Variants in CARMIL1 observed in about 807,000 individuals in gnomAD.
CARMIL1 encodes the protein capping protein regulator and myosin 1 linker 1.
Under a neutral mutation model 177.1 loss-of-function variants are expected in CARMIL1, and 90 were observed. The ratio of observed to expected loss-of-function variants is 0.51; its 90% confidence interval spans 0.43 to 0.61. The LOEUF is 0.61. Ranked by LOEUF, CARMIL1 falls within the 20% of genes least tolerant of loss-of-function variation. The pLI is 0.00. For synonymous variants in CARMIL1, 577 were observed against 606.2 expected, an observed-to-expected ratio of 0.95 and a Z score of 0.71; for missense variants, 1,380 against 1,667.0, an observed-to-expected ratio of 0.83 and a Z score of 3.00.
At position 25,300,995 on chromosome 6, in the gene CARMIL1, T is replaced by A. The variant is rs149758335; in HGVS notation, c.138+16086T>A. The stretch of plus-strand genomic sequence containing the variant: ...CTAAGTGTGTGCTGGTCATATTGGC[T>A]TCCCTGCAAGAGCCTGCCATGTCCA... On this transcript the variant is annotated intron_variant, in intron 2 of 36. Transcript: ENST00000329474. 1.2e-3 allele frequency among the ~76,000 whole-genome samples: 184 copies of A among 152,342 alleles called. 1 individual carries two copies. The highest frequency in any genetic ancestry group is 0.01 in the Middle Eastern group (3 of 294).
intron 5 of CARMIL1, among the ~76,000 whole-genome samples, chr6:25,446,333 C>T (rs1424247896): frequency 1.3e-5 from 2 of 152,248 alleles, no homozygotes; most frequent in Non-Finnish European, 2.9e-5. Context: ...TAGCCATCTT[C>T]ATCAATGATC....
rs1384552480 is a variant in CARMIL1 at position 25,537,737 on chromosome 6, T to C, written c.2068-118T>C. The stretch of plus-strand genomic sequence containing the variant: ...CAGTTAGAAGGGTTTGAGGTTTTCA[T>C]CCTTGTGCATTCTGTGGTTTGCTGA... On this transcript the variant is annotated intron_variant, in intron 24 of 36. Transcript: ENST00000329474. 5 of 1,211,748 alleles carry C rather than the reference T, an allele frequency of 4.1e-6. No homozygotes were observed. In the South Asian group the frequency reaches 4.7e-5, roughly 11 times the overall value. The allele number at this position is 1,211,748 out of a possible 1,614,324, so 75.1% of individuals were successfully genotyped here. A position where few individuals can be genotyped will look rare whatever the true frequency, so the allele number is the denominator to read the frequency against.
At chr6:25,497,294 A>T (rs552218889) in intron 16 of CARMIL1, among the ~76,000 whole-genome samples, 11 of 152,314 alleles carry the variant, frequency 7.2e-5, no homozygotes, top group African/African-American at 2.6e-4. Context: ...GTCACCTTTA[A>T]TGTGGATGAC....
chr6:25,441,333 A>ATGTGTGTGTGTGTG (rs1211206689), intron 5 of CARMIL1, among the ~76,000 whole-genome samples: 190 of 66,936 alleles, frequency 2.8e-3, no homozygotes, highest in Admixed American at 3.8e-3. Context: ...ATATATATAT[A>ATGTGTGTGTGTGTG]TATATGTGTG....
intron 11 of CARMIL1, among the ~76,000 whole-genome samples, chr6:25,477,956 A>T (rs1801730288): frequency 6.6e-6 from 1 of 150,884 alleles, no homozygotes; most frequent in Non-Finnish European, 1.5e-5. Flanking sequence ...CCTGGGCTCA[A>T]GCCATCCTCC....
chr6:25,408,823 G>GAA (rs112760197), intron 2 of CARMIL1, among the ~76,000 whole-genome samples: 8 of 112,960 alleles, frequency 7.1e-5, no homozygotes, highest in African/African-American at 1.8e-4. Context: ...ACATAAAATA[G>GAA]AAAAAAAAAA....
chr6:25,600,605 G>A lies in CARMIL1; in HGVS notation c.3411G>A (p.Gly1137=), dbSNP rs780773418. The A allele has an allele frequency of 5.0e-6, 8 of 1,613,860 alleles. No individual in the cohort carries two copies. Among genetic ancestry groups the A allele is most frequent in the Non-Finnish European group, 6.8e-6 (8 of 1,179,900 alleles). The change falls in exon 33 of 37, where the codon GGG becomes GGA. Residue 1137 remains glycine (G), a synonymous_variant. Coordinates refer to ENST00000329474, the MANE Select transcript of CARMIL1 (RefSeq NM_017640.6). ...CTGACTCCTTTGAAGAGAGTCAAGGGGAAGAAATAGGGAAGGTGGAACGGA... is the reference window on the plus strand; with the variant it reads ...CTGACTCCTTTGAAGAGAGTCAAGGAGAAGAAATAGGGAAGGTGGAACGGA... ...KTPDSFEESQ[G]EEIGKVERSD...
chr6:25,296,008 T>G (rs1230680731), intron 2 of CARMIL1, among the ~76,000 whole-genome samples: 4 of 152,228 alleles, frequency 2.6e-5, no homozygotes, highest in African/African-American at 9.6e-5. Flanking sequence ...AGATGAAATG[T>G]AATTAACAAG....
chr6:25,501,302 C>T (rs1325259268), intron 17 of CARMIL1, among the ~76,000 whole-genome samples: 1 of 152,110 alleles, frequency 6.6e-6, no homozygotes, highest in East Asian at 1.9e-4. Context: ...ATCTTCCTTC[C>T]CCTCCCCAAG....
intron 36 of CARMIL1, among the ~76,000 whole-genome samples, chr6:25,613,429 C>T (rs760311123): frequency 2.0e-5 from 3 of 152,218 alleles, no homozygotes; most frequent in Non-Finnish European, 2.9e-5. Flanking sequence ...TACCATTTAA[C>T]TTGTCAACCA....
chr6:25,332,003 G>T (rs1785670937), intron 2 of CARMIL1, among the ~76,000 whole-genome samples: 1 of 152,118 alleles, frequency 6.6e-6, no homozygotes, highest in Non-Finnish European at 1.5e-5. Context: ...AAATAATAGG[G>T]TGTTTGGTTT....
chr6:25,346,549 C>T (rs1344164401), intron 2 of CARMIL1, among the ~76,000 whole-genome samples: 3 of 152,184 alleles, frequency 2.0e-5, no homozygotes, highest in Non-Finnish European at 4.4e-5. Flanking sequence ...TTAGCATAAT[C>T]TAATAGAGTA....
At chr6:25,593,522 A>C (rs993028111) in intron 31 of CARMIL1, among the ~76,000 whole-genome samples, 4 of 152,230 alleles carry the variant, frequency 2.6e-5, no homozygotes, top group Non-Finnish European at 5.9e-5. Flanking sequence ...ATACTGACTC[A>C]AAAGTGACTT....
intron 2 of CARMIL1, among the ~76,000 whole-genome samples, chr6:25,329,749 A>G (rs780970544): frequency 4.6e-5 from 7 of 152,196 alleles, no homozygotes; most frequent in Non-Finnish European, 8.8e-5. Context: ...AAAGATACTC[A>G]AAGTATCTCA....
At chr6:25,488,441 C>G in intron 12 of CARMIL1, 41 bp from the exon 13 acceptor site, 1 of 1,428,872 alleles carries the variant, frequency 7.0e-7, no homozygotes, top group South Asian at 1.1e-5. Flanking sequence ...CATTTTGTTT[C>G]CTGGAGTGCA....
intron 2 of CARMIL1, among the ~76,000 whole-genome samples, chr6:25,370,937 C>A (rs940268375): frequency 6.6e-6 from 1 of 151,554 alleles, no homozygotes; most frequent in Non-Finnish European, 1.5e-5. Context: ...TCTTCTGAGT[C>A]ACCAAAGTTC....
intron 2 of CARMIL1, among the ~76,000 whole-genome samples, chr6:25,296,724 A>G: frequency 6.6e-6 from 1 of 152,192 alleles, no homozygotes; most frequent in Non-Finnish European, 1.5e-5. Flanking sequence ...GGTTTCCTGA[A>G]TCCATCTGTC....
intron 24 of CARMIL1, among the ~76,000 whole-genome samples, chr6:25,533,405 G>T (rs1807963569): frequency 6.6e-6 from 1 of 152,138 alleles, no homozygotes; most frequent in Non-Finnish European, 1.5e-5. Flanking sequence ...ACCTCTTTAA[G>T]CCTCAGTTTT....
intron 34 of CARMIL1, among the ~76,000 whole-genome samples, chr6:25,605,746 T>C (rs1210173561): frequency 6.6e-6 from 1 of 152,232 alleles, no homozygotes; most frequent in East Asian, 1.9e-4. Context: ...TTCAAGTGCA[T>C]GAAGAACCAC....
Sources: gnomAD v4.1 joint callset for allele counts (sites outside exome capture counted in the v4.1 genomes callset) on GRCh38, gnomAD v4.1.1 for gene constraint, MANE v1.5 for transcripts, NCBI Gene and HGNC (gene_info 2026-07-23, HGNC 2026-07-21) for gene names.